Variants in ACSBG1 observed in about 807,000 individuals in gnomAD.
ACSBG1 encodes the protein long-chain-fatty-acid--CoA ligase ACSBG1.
A neutral mutation model predicts 80.2 loss-of-function variants in ACSBG1; 39 were observed. The ratio of observed to expected loss-of-function variants is 0.49; its 90% confidence interval spans 0.38 to 0.64. The LOEUF (loss-of-function observed/expected upper bound fraction) is 0.64. Among genes scored for constraint, ACSBG1 ranks in the 30% least tolerant of loss-of-function variants. The probability of loss-of-function intolerance (pLI) is 0.00; values close to 1 mark genes in which losing one functional copy is unlikely to be tolerated. For synonymous variants in ACSBG1, 392 were observed against 379.5 expected, an observed-to-expected ratio of 1.03 and a Z score of -0.38; for missense variants, 828 against 966.4, an observed-to-expected ratio of 0.86 and a Z score of 1.90.
chr15:78,223,508 T>C (rs1252442070), intron 1 of ACSBG1, among the ~76,000 whole-genome samples: 1 of 152,164 alleles, frequency 6.6e-6, no homozygotes, highest in East Asian at 1.9e-4. Flanking sequence ...ATGAGTCTAT[T>C]TCAGGCACCA....
intron 9 of ACSBG1, 56 bp from the exon 10 acceptor site, chr15:78,179,836 CACACACAT>C (rs1457698251): frequency 8.6e-6 from 11 of 1,285,234 alleles, no homozygotes; most frequent in Non-Finnish European, 1.2e-5. Flanking sequence ...CACACACACA[CACACACAT>C]ACACACATTA....
Position 78,180,946 on chromosome 15 carries a change from C to G in ACSBG1, c.1072-10G>C, listed in dbSNP as rs527718769. The G allele has an allele frequency of 1.2e-6, 2 of 1,611,566 alleles. No individual in the cohort carries two copies. Among genetic ancestry groups the G allele is most frequent in the African/African-American group, 1.3e-5 (1 of 75,026 alleles). ...TGTTCACCAGGCTCCCCTGTTCACA[C>G]CAGAAGAGGCAGGCCTGTTGGGTCA... On this transcript the variant is annotated splice_polypyrimidine_tract_variant and intron_variant, in intron 8 of 13. Coordinates refer to ENST00000258873, the MANE Select transcript of ACSBG1 (RefSeq NM_015162.5).
rs148506728 is a variant in ACSBG1 at position 78,225,401 on chromosome 15, CAATA to C, written c.131+8966_131+8969del. On this transcript the variant is annotated intron_variant, in intron 1 of 13. Coordinates refer to ENST00000258873, the MANE Select transcript of ACSBG1 (RefSeq NM_015162.5). The stretch of plus-strand genomic sequence containing the variant: ...GAGCAACAAGAGTGAAACTCTGTCT[CAATA>C]AATAAATAAATAAATAAATAAATAA... Among the ~76,000 whole-genome samples, 1,201 of 143,170 alleles carry C rather than the reference CAATA, an allele frequency of 8.4e-3. 15 individuals are homozygous for C. Among genetic ancestry groups the C allele is most frequent in the African/African-American group, 0.024 (918 of 38,818 alleles). 93.9% of individuals were successfully genotyped at this position (143,170 alleles called of 152,430 possible).
At chr15:78,182,875 TA>T in intron 5 of ACSBG1, 90 bp from the exon 6 acceptor site, 1 of 1,420,954 alleles carries the variant, frequency 7.0e-7, no homozygotes, top group Non-Finnish European at 9.8e-7. Flanking sequence ...GTCGGCTTAG[TA>T]AAGGTCTCTG....
intron 1 of ACSBG1, among the ~76,000 whole-genome samples, chr15:78,225,553 G>A (rs2075394008): frequency 6.6e-6 from 1 of 152,080 alleles, no homozygotes; most frequent in African/African-American, 2.4e-5. Context: ...AAACATGGTT[G>A]AGACAAATCA....
At chr15:78,209,102 TAGCCCCA>T in intron 1 of ACSBG1, 1 of 455,042 alleles carries the variant, frequency 2.2e-6, no homozygotes. Flanking sequence ...AGGGTGGGGC[TAGCCCCA>T]TCCCTGCCCA....
At chr15:78,213,588 C>G (rs2075284771) in intron 1 of ACSBG1, 1 of 152,610 alleles carries the variant, frequency 6.6e-6, no homozygotes, top group Non-Finnish European at 1.5e-5. Context: ...CCGCCCCAGC[C>G]TGCCCTAGGG....
intron 2 of ACSBG1, among the ~76,000 whole-genome samples, chr15:78,205,610 G>A (rs1023773908): frequency 2.0e-5 from 3 of 152,172 alleles, no homozygotes; most frequent in African/African-American, 7.2e-5. Flanking sequence ...CTACCAAATA[G>A]GAGTGATAGA....
chr15:78,207,895 T>A (rs1355127315), intron 2 of ACSBG1, 107 bp downstream of exon 2: 5 of 861,348 alleles, frequency 5.8e-6, no homozygotes, highest in Non-Finnish European at 9.2e-6. Context: ...CAGCTGCTCC[T>A]TCCCGCAGTT....
intron 2 of ACSBG1, among the ~76,000 whole-genome samples, chr15:78,202,667 C>T (rs2075179724): frequency 6.6e-6 from 1 of 152,226 alleles, no homozygotes; most frequent in Non-Finnish European, 1.5e-5. Context: ...ATCAGGCAAA[C>T]AGACAATATC....
chr15:78,194,481 G>A, intron 3 of ACSBG1, 25 bp downstream of exon 3: 1 of 1,611,714 alleles, frequency 6.2e-7, no homozygotes, highest in Middle Eastern at 1.7e-4. Flanking sequence ...GAGGGGCAAG[G>A]CCTTGCCATG....
intron 2 of ACSBG1, among the ~76,000 whole-genome samples, chr15:78,198,977 GT>G (rs1200758480): frequency 1.3e-5 from 2 of 152,182 alleles, no homozygotes. Flanking sequence ...ACCAGAGGCA[GT>G]CTTCTTTTCC....
At chr15:78,173,271 C>T (rs111854426) in intron 13 of ACSBG1, among the ~76,000 whole-genome samples, 1,534 of 135,990 alleles carry the variant, frequency 0.011, 21 homozygotes, top group Admixed American at 0.053. Context: ...CTTGAACCCG[C>T]GAGGTGCAGG....
At chr15:78,207,526 T>G (rs576033396) in intron 2 of ACSBG1, among the ~76,000 whole-genome samples, 9 of 152,150 alleles carry the variant, frequency 5.9e-5, no homozygotes, top group African/African-American at 1.9e-4. Flanking sequence ...GCACAATTAT[T>G]TGATGGTGGA....
intron 1 of ACSBG1, among the ~76,000 whole-genome samples, chr15:78,220,088 T>C (rs2075348897): frequency 6.6e-6 from 1 of 152,208 alleles, no homozygotes; most frequent in Admixed American, 6.5e-5. Context: ...TTTCAAAACA[T>C]TGAAAACCTA....
chr15:78,194,629 G>A lies in ACSBG1; in HGVS notation c.330C>T (p.Tyr110=), dbSNP rs749725376. The change falls in exon 3 of 14, where the codon TAC becomes TAT. Residue 110 remains tyrosine, a synonymous_variant. Transcript: ENST00000258873. ...GGTCCCCATACTTATCCAGGGCCTC[G>A]TAGAACATCCGATGCACAGTGTAGG... ...QLPYTVHRMF[Y]EALDKYGDLI... The A allele has an allele frequency of 6.5e-5, 105 of 1,614,138 alleles. No individual in the cohort carries two copies. The highest frequency in any genetic ancestry group is 7.8e-5 in the Non-Finnish European group (92 of 1,180,050).
Position 78,234,475 on chromosome 15 carries a change from G to A in ACSBG1, c.27C>T (p.Tyr9=), listed in dbSNP as rs146159531. Residue 9 remains tyrosine, a synonymous_variant, in exon 1 of 14, where the codon TAC becomes TAT. Transcript: ENST00000258873. The stretch of plus-strand genomic sequence containing the variant: ...TGCTGGGGTCCCCGTGTGGGCAGCC[G>A]TATCCAGCTCCAGAATTGCGTGGCA... MPRNSGAG[Y]GCPHGDPSML... is the part of the protein sequence containing the mutation. 432 of 1,608,388 alleles carry A rather than the reference G, an allele frequency of 2.7e-4. No homozygotes were observed. The highest frequency in any genetic ancestry group is 1.5e-3 in the Admixed American group (88 of 59,882).
intron 4 of ACSBG1, 140 bp downstream of exon 4, chr15:78,193,792 G>C: frequency 7.0e-7 from 1 of 1,421,878 alleles, no homozygotes. Context: ...GGCGCCAGAT[G>C]CAGGTCCACC....
At chr15:78,224,765 T>C (rs1385807690) in intron 1 of ACSBG1, among the ~76,000 whole-genome samples, 1 of 152,068 alleles carries the variant, frequency 6.6e-6, no homozygotes, top group Non-Finnish European at 1.5e-5. Context: ...TTGTCCCTGA[T>C]GGAAACATGA....
Sources: gnomAD v4.1 joint callset for allele counts (sites outside exome capture counted in the v4.1 genomes callset) on GRCh38, gnomAD v4.1.1 for gene constraint, MANE v1.5 for transcripts, NCBI Gene and HGNC (gene_info 2026-07-23, HGNC 2026-07-21) for gene names.